Variants in NUP214 observed in about 807,000 individuals in gnomAD.
NUP214 encodes nuclear pore complex protein Nup214.
A neutral mutation model predicts 196.2 loss-of-function variants in NUP214; 79 were observed. The observed-to-expected ratio is 0.40, with a 90% confidence interval of 0.34 to 0.49. NUP214 has a LOEUF of 0.49. Ranked by LOEUF, NUP214 falls within the 20% of genes least tolerant of loss-of-function variation. NUP214 has a pLI of 0.58. For missense variants in NUP214, 2,468 were observed against 2,539.0 expected (o/e 0.97, Z 0.60); for synonymous variants, 1,020 against 990.5 (o/e 1.03, Z -0.56).
chr9:131,196,217 G>A (rs1833786050), intron 28 of NUP214, among the ~76,000 whole-genome samples: 1 of 151,844 alleles, frequency 6.6e-6, no homozygotes, highest in South Asian at 2.1e-4. Flanking sequence ...GGAGTGTAAT[G>A]GCGCAATTGC....
intron 11 of NUP214, among the ~76,000 whole-genome samples, chr9:131,142,720 A>G (rs1831956114): frequency 6.6e-6 from 1 of 152,254 alleles, no homozygotes; most frequent in African/African-American, 2.4e-5. Flanking sequence ...ATAAAGAAGT[A>G]TTAACAGAAT....
intron 27 of NUP214, among the ~76,000 whole-genome samples, chr9:131,193,629 C>CTTCTTTTTTTTTTTTTTTT (rs1833678099): frequency 3.5e-5 from 1 of 28,218 alleles, no homozygotes; most frequent in East Asian, 1.2e-3. Flanking sequence ...TCTTCCTTTT[C>CTTCTTTTTTTTTTTTTTTT]TTTTTTTTTT....
intron 31 of NUP214, among the ~76,000 whole-genome samples, chr9:131,216,324 A>G (rs1216073449): frequency 2.8e-5 from 4 of 140,506 alleles, no homozygotes; most frequent in Non-Finnish European, 6.0e-5. Context: ...TCCCGGGTTC[A>G]TGCCATTGTC....
intron 17 of NUP214, among the ~76,000 whole-genome samples, chr9:131,156,294 G>A (rs1436863278): frequency 1.3e-5 from 2 of 151,790 alleles, no homozygotes; most frequent in Non-Finnish European, 2.9e-5. Context: ...CACCACGCCC[G>A]GCTAATTTTT....
At chr9:131,200,577 C>G (rs1039433169) in intron 29 of NUP214, among the ~76,000 whole-genome samples, 1 of 152,156 alleles carries the variant, frequency 6.6e-6, no homozygotes, top group African/African-American at 2.4e-5. Context: ...GGCGTCGTGG[C>G]AGGCGCATGT....
chr9:131,216,699 G>T (rs1424818829), intron 31 of NUP214, among the ~76,000 whole-genome samples: 2 of 150,438 alleles, frequency 1.3e-5, no homozygotes, highest in Non-Finnish European at 3.0e-5. Context: ...GCTAGTTTTT[G>T]TATTTTTAGT....
At chr9:131,171,547 C>CTTTTTTTTTTTTTTTTTTTTTTTTT (rs11334591) in intron 21 of NUP214, among the ~76,000 whole-genome samples, 4 of 127,350 alleles carry the variant, frequency 3.1e-5, no homozygotes, top group Non-Finnish European at 3.4e-5. Context: ...GGAAGATTTT[C>CTTTTTTTTTTTTTTTTTTTTTTTTT]TTTTTTTTTT....
intron 29 of NUP214, among the ~76,000 whole-genome samples, chr9:131,200,090 C>T (rs140735595): frequency 1.8e-3 from 268 of 152,320 alleles, no homozygotes; most frequent in African/African-American, 6.1e-3. Context: ...CACTACCACA[C>T]CATTTGCTCT....
chr9:131,199,539 G>C (rs1194797040), intron 29 of NUP214, among the ~76,000 whole-genome samples: 2 of 152,052 alleles, frequency 1.3e-5, no homozygotes, highest in South Asian at 4.1e-4. Flanking sequence ...ATTTGATTTG[G>C]GTTCTTTTCT....
chr9:131,186,529 A>G (rs999233095), intron 24 of NUP214, among the ~76,000 whole-genome samples: 1 of 152,262 alleles, frequency 6.6e-6, no homozygotes, highest in South Asian at 2.1e-4. Flanking sequence ...CTACTGCTAT[A>G]TATACCAGTC....
Position 131,135,014 on chromosome 9 carries a change from G to C in NUP214, c.938+10G>C. ...GTTACATTGAGGAATGGTGAGCAGA[G>C]AGTCTGGACAGGGCATTCCTGCTCT... On this transcript the variant is annotated intron_variant, in intron 8 of 35. Transcript: ENST00000359428. The C allele has an allele frequency of 6.4e-7, 1 of 1,574,400 alleles. No homozygotes were observed. The highest frequency in any genetic ancestry group is 8.7e-7 in the Non-Finnish European group (1 of 1,144,242).
intron 24 of NUP214, among the ~76,000 whole-genome samples, chr9:131,186,452 T>C (rs570190013): frequency 1.3e-5 from 2 of 152,356 alleles, no homozygotes; most frequent in South Asian, 4.1e-4. Flanking sequence ...AAGTTCATTT[T>C]TGATGGAAAA....
intron 17 of NUP214, chr9:131,159,081 A>G (rs1458134398): frequency 4.2e-6 from 1 of 237,196 alleles, no homozygotes; most frequent in African/African-American, 2.3e-5. Flanking sequence ...TAACTTTTTT[A>G]TTTGTATACA....
At chr9:131,224,569 G>A (rs118169078) in intron 32 of NUP214, among the ~76,000 whole-genome samples, 2,155 of 152,274 alleles carry the variant, frequency 0.014, 18 homozygotes, top group Middle Eastern at 0.044. Context: ...TCTGACCTGG[G>A]AGTAAGGCTG....
At chr9:131,135,065 C>T in intron 8 of NUP214, 61 bp downstream of exon 8, 1 of 1,132,500 alleles carries the variant, frequency 8.8e-7, no homozygotes, top group South Asian at 1.3e-5. Context: ...CCTGAGTCAC[C>T]TTGTCCCATG....
Position 131,130,853 on chromosome 9 carries a change from A to C in NUP214, c.663+17A>C, listed in dbSNP as rs755268414. 1.9e-6 allele frequency: 3 copies of C among 1,611,078 alleles called. No individual in the cohort carries two copies. Among genetic ancestry groups the C allele is most frequent in the Non-Finnish European group, 2.5e-6 (3 of 1,177,794 alleles). ...TATCTTCCTGTAAGTTCTTATCTTG[A>C]ACTTCAGAATTTTTCTTAAGTTGCC... On this transcript the variant is annotated intron_variant, in intron 5 of 35. Coordinates refer to ENST00000359428, the MANE Select transcript of NUP214 (RefSeq NM_005085.4).
At position 131,232,405 on chromosome 9, in the gene NUP214, T is replaced by G. The variant is rs1244558284; in HGVS notation, c.6239+97T>G. On this transcript the variant is annotated intron_variant, in intron 35 of 35. Coordinates refer to ENST00000359428, the MANE Select transcript of NUP214 (RefSeq NM_005085.4). This position sits in a 1 kb window ranked among gnomAD's most constrained non-coding sequence, Gnocchi z 5.1. ...CTGGATTTGTGCATTTTCTTTTCGT[T>G]TTTTCCTGTTTTTAGAGTTTGTCCT... The G allele has an allele frequency of 4.6e-6, 6 of 1,311,926 alleles. No individual in the cohort carries two copies. In the Admixed American group the frequency reaches 1.0e-4, roughly 23 times the overall value. The allele number at this position is 1,311,926 out of a possible 1,614,324, so 81.3% of individuals were successfully genotyped here.
chr9:131,196,242 C>T (rs1833787431), intron 28 of NUP214, among the ~76,000 whole-genome samples: 2 of 151,892 alleles, frequency 1.3e-5, no homozygotes, highest in South Asian at 4.2e-4. Flanking sequence ...CACTGCAACC[C>T]CCACCTGCTG....
intron 28 of NUP214, among the ~76,000 whole-genome samples, chr9:131,196,268 C>G (rs1002340391): frequency 6.6e-6 from 1 of 152,064 alleles, no homozygotes; most frequent in African/African-American, 2.4e-5. Flanking sequence ...CAGCGATTCT[C>G]CTGCCTCAGC....
Sources: gnomAD v4.1 joint callset for allele counts (sites outside exome capture counted in the v4.1 genomes callset) on GRCh38, gnomAD v4.1.1 for gene constraint, Gnocchi (gnomAD v3.1) non-coding constraint, MANE v1.5 for transcripts, NCBI Gene and HGNC (gene_info 2026-07-23, HGNC 2026-07-21) for gene names.